GGNBP2: variants seen among roughly 807,000 people sequenced by gnomAD.
The protein encoded by GGNBP2 is gametogenetin binding protein 2.
Under a neutral mutation model 85.9 loss-of-function variants are expected in GGNBP2, and 10 were observed. The ratio of observed to expected loss-of-function variants is 0.12; its 90% CI spans 0.07 to 0.20. The LOEUF (loss-of-function observed/expected upper bound fraction) is 0.20, where lower values mean the gene tolerates loss of function less well. Ranked by LOEUF, GGNBP2 falls within the 10% of genes least tolerant of loss-of-function variation. GGNBP2 has a pLI of 1.00. For missense variants in GGNBP2, 595 were observed against 857.8 expected (o/e 0.69, Z 3.83); for synonymous variants, 287 against 285.7 (o/e 1.00, Z -0.05).
chr17:36,584,431 G>A (rs942919072), intron 9 of GGNBP2, among the ~76,000 whole-genome samples: 2 of 152,072 alleles, frequency 1.3e-5, no homozygotes, highest in Non-Finnish European at 2.9e-5. Context: ...TCTGCCGTCC[G>A]TGTTCAAGCA....
At chr17:36,572,687 C>T (rs1224273564) in intron 6 of GGNBP2, among the ~76,000 whole-genome samples, 3 of 152,132 alleles carry the variant, frequency 2.0e-5, no homozygotes, top group African/African-American at 4.8e-5. Flanking sequence ...GAGTGAGACC[C>T]TGTCTCAAAA....
intron 5 of GGNBP2, among the ~76,000 whole-genome samples, chr17:36,562,016 T>G (rs1392723267): frequency 6.6e-6 from 1 of 152,186 alleles, no homozygotes; most frequent in Non-Finnish European, 1.5e-5. Context: ...TTTCACTTTC[T>G]CCCAGCACAG....
At chr17:36,581,300 G>C (rs578165396) in intron 8 of GGNBP2, 44 bp from the exon 9 acceptor site, 1 of 1,303,410 alleles carries the variant, frequency 7.7e-7, no homozygotes, top group African/African-American at 1.5e-5. Flanking sequence ...AAAAAGAAAA[G>C]AAGTTCTGAC....
chr17:36,553,646 T>C (rs535930560), intron 2 of GGNBP2, among the ~76,000 whole-genome samples: 17 of 152,356 alleles, frequency 1.1e-4, no homozygotes, highest in Non-Finnish European at 2.2e-4. Flanking sequence ...GTCCTTGTTA[T>C]GTGGCAATGT....
At chr17:36,579,177 G>C (rs1186551996) in intron 7 of GGNBP2, 68 bp from the exon 8 acceptor site, 15 of 1,361,802 alleles carry the variant, frequency 1.1e-5, no homozygotes, top group Non-Finnish European at 1.5e-5. Flanking sequence ...ACCTGAACTT[G>C]CAGCTGTGTT....
At chr17:36,567,062 CTTAGAATTTTCA>C (rs1462090346) in intron 5 of GGNBP2, among the ~76,000 whole-genome samples, 1 of 151,944 alleles carries the variant, frequency 6.6e-6, no homozygotes, top group African/African-American at 2.4e-5. Context: ...ATCAAAACTT[CTTAGAATTTTCA>C]ATTTGTGGAA....
intron 6 of GGNBP2, chr17:36,575,086 G>T: frequency 2.2e-6 from 2 of 913,832 alleles, no homozygotes; most frequent in Non-Finnish European, 1.7e-6. Flanking sequence ...TCATGGGCAG[G>T]GAGAAGACAT....
chr17:36,571,439 A>T (rs1555606797), intron 6 of GGNBP2, among the ~76,000 whole-genome samples: 1 of 152,100 alleles, frequency 6.6e-6, no homozygotes, highest in Non-Finnish European at 1.5e-5. Context: ...AATCCCAGCT[A>T]CTCAGGAGGC....
chr17:36,575,305 G>A (rs542972784), intron 6 of GGNBP2: 2 of 485,012 alleles, frequency 4.1e-6, no homozygotes, highest in South Asian at 2.0e-5. Flanking sequence ...ACCACCGGCT[G>A]CCACCAGCAT....
intron 5 of GGNBP2, among the ~76,000 whole-genome samples, chr17:36,561,575 T>C (rs564126365): frequency 1.3e-5 from 2 of 152,340 alleles, no homozygotes; most frequent in East Asian, 1.9e-4. Flanking sequence ...AAAGTAGTTA[T>C]GACGATATTA....
intron 6 of GGNBP2, among the ~76,000 whole-genome samples, chr17:36,575,635 TATATA>T (rs1179227650): frequency 7.4e-5 from 4 of 53,846 alleles, no homozygotes; most frequent in African/African-American, 3.4e-4. Context: ...TATATATATA[TATATA>T]TATATATATT....
chr17:36,553,806 C>G (rs1044578291), intron 2 of GGNBP2, among the ~76,000 whole-genome samples: 13 of 152,108 alleles, frequency 8.5e-5, no homozygotes, highest in African/African-American at 2.9e-4. Context: ...TTGATGACAT[C>G]TTATAGTAAA....
At chr17:36,577,643 T>G in intron 6 of GGNBP2, 1 of 318,172 alleles carries the variant, frequency 3.1e-6, no homozygotes, top group South Asian at 3.0e-5. Flanking sequence ...GTTTTATTTC[T>G]GACCTGCGCA....
chr17:36,554,239 G>A (rs2074338169), intron 2 of GGNBP2, among the ~76,000 whole-genome samples: 1 of 148,796 alleles, frequency 6.7e-6, no homozygotes, highest in African/African-American at 2.5e-5. Flanking sequence ...AACCCAGGAG[G>A]TGGAGGTTGT....
At chr17:36,562,927 C>T (rs1291532561) in intron 5 of GGNBP2, among the ~76,000 whole-genome samples, 1 of 119,578 alleles carries the variant, frequency 8.4e-6, no homozygotes, top group African/African-American at 3.2e-5. Flanking sequence ...ATCGTGTCGC[C>T]TGGGCGACAG....
At chr17:36,572,624 G>C (rs1371788467) in intron 6 of GGNBP2, among the ~76,000 whole-genome samples, 1 of 152,170 alleles carries the variant, frequency 6.6e-6, no homozygotes, top group South Asian at 2.1e-4. Context: ...TACTAGGGAG[G>C]TTGAGGCTAC....
intron 9 of GGNBP2, among the ~76,000 whole-genome samples, chr17:36,585,023 T>C (rs541286870): frequency 6.6e-6 from 1 of 152,178 alleles, no homozygotes; most frequent in South Asian, 2.1e-4. Flanking sequence ...TTTTTACAGC[T>C]TCCTCAGAGA....
chr17:36,587,327 A>AGGT lies in GGNBP2; in HGVS notation c.1890+83_1890+85dup, dbSNP rs373541257. The AGGT allele has an allele frequency of 7.8e-6, 11 of 1,419,160 alleles. No individual in the cohort carries two copies. The African/African-American group carries it at 1.5e-4, about 20-fold the overall frequency. 87.9% of individuals were successfully genotyped at this position (1,419,160 alleles called of 1,614,324 possible). On this transcript the variant is annotated intron_variant, in intron 13 of 13. Transcript: ENST00000613102. ...GGAGGGGATAGTATTTGAGGGCTTA[A>AGGT]GGTAGGTAGTTGAAGGAAGCTTATG...
intron 1 of GGNBP2, 97 bp from the exon 2 acceptor site, chr17:36,545,522 C>A: frequency 4.2e-6 from 2 of 472,602 alleles, no homozygotes; most frequent in African/African-American, 2.0e-5. Flanking sequence ...AAACGCAGCC[C>A]GGCTCTCCCG....
Sources: allele counts gnomAD v4.1 joint callset (sites outside exome capture counted in the v4.1 genomes callset), GRCh38; gene constraint gnomAD v4.1.1; transcripts MANE v1.5; gene names NCBI Gene and HGNC (gene_info 2026-07-23, HGNC 2026-07-21).